The following AASDH variants were observed in gnomAD, a reference collection of about 807,000 sequenced individuals.
The protein encoded by AASDH is aminoadipate-semialdehyde dehydrogenase.
Under a neutral mutation model 102.3 loss-of-function variants are expected in AASDH, and 81 were observed. The observed-to-expected ratio is 0.79, with a 90% CI of 0.66 to 0.95. The LOEUF (loss-of-function observed/expected upper bound fraction) is 0.95, where lower values mean the gene tolerates loss of function less well. AASDH is among the 40% of genes least tolerant of loss of function. AASDH has a pLI of 0.00. For missense variants in AASDH, 1,203 were observed against 1,266.2 expected (o/e 0.95, Z 0.76); for synonymous variants, 398 against 454.0 (o/e 0.88, Z 1.57).
chr4:56,359,509 C>T lies in AASDH; in HGVS notation c.862-4086G>A, dbSNP rs572603700. 2.0e-5 allele frequency among the ~76,000 whole-genome samples: 3 copies of T among 152,068 alleles called. 1 individual carries two copies. In the South Asian group the frequency reaches 6.2e-4, roughly 32 times the overall value. ...ACCTCAGATGATACTCCCACCTCGG[C>T]CCCCCAGAGTGCTGGGAGTATAGGC... On this transcript the variant is annotated intron_variant, in intron 5 of 14. Transcript: ENST00000205214.
chr4:56,380,720 A>G (rs905954911), intron 3 of AASDH, among the ~76,000 whole-genome samples: 2 of 152,202 alleles, frequency 1.3e-5, no homozygotes, highest in African/African-American at 4.8e-5. Context: ...TCCGTAGTGC[A>G]AGGTTTCTCA....
Position 56,338,465 on chromosome 4 carries a change from G to A in AASDH, c.3234C>T (p.Leu1078=), listed in dbSNP as rs768635372. 20 of 1,613,840 alleles carry A rather than the reference G, an allele frequency of 1.2e-5. No homozygotes were observed. The highest frequency in any genetic ancestry group is 1.1e-4 in the East Asian group (5 of 44,878). ...FSSPVVLESM[L]IIGCRDNYVY... ...CATAATTATCTCTACACCCAATAAT[G>A]AGCATTGATTCCAGGACCACAGGAG... The change falls in exon 15 of 15, where the codon CTC becomes CTT. Residue 1078 remains leucine, a synonymous_variant. Coordinates refer to ENST00000205214, the MANE Select transcript of AASDH (RefSeq NM_181806.4).
At chr4:56,351,113 G>A (rs988616553) in intron 10 of AASDH, among the ~76,000 whole-genome samples, 11 of 152,124 alleles carry the variant, frequency 7.2e-5, no homozygotes, top group African/African-American at 2.7e-4. Context: ...TGCCTTTTAT[G>A]ACTACTTCAC....
intron 5 of AASDH, among the ~76,000 whole-genome samples, chr4:56,358,532 T>C (rs1419173977): frequency 6.6e-6 from 1 of 151,274 alleles, no homozygotes; most frequent in African/African-American, 2.4e-5. Flanking sequence ...TATTCCTAGC[T>C]TGTTAGGAGC....
Position 56,354,178 on chromosome 4 carries a change from T to A in AASDH, c.1244A>T (p.Glu415Val), listed in dbSNP as rs141538892. 4.6e-5 allele frequency: 73 copies of A among 1,596,308 alleles called. No individual in the cohort carries two copies. The highest frequency in any genetic ancestry group is 5.4e-5 in the Non-Finnish European group (63 of 1,170,328). ...CATTGTGCCAAGTGGTACTGTCACTTCATCATCAAGAAAACACACTCTGTT... is the reference window on the plus strand; with the variant it reads ...CATTGTGCCAAGTGGTACTGTCACTACATCATCAAGAAAACACACTCTGTT... ...GRNRVCFLDD[E>V]VTVPLGTMRA... The change falls in exon 8 of 15, where the codon GAA (glutamate) becomes GTA (valine). Residue 415 changes from glutamate (E) to valine (V), a missense_variant. Physicochemically the swap from Glu to Val is moderately radical, Grantham distance 121. Transcript: ENST00000205214.
chr4:56,384,415 C>G, intron 1 of AASDH, 74 bp from the exon 2 acceptor site: 1 of 678,650 alleles, frequency 1.5e-6, no homozygotes, highest in Non-Finnish European at 2.5e-6. Flanking sequence ...AAAAACTTCT[C>G]TACAATAATA....
chr4:56,371,032 C>T (rs1410253896), intron 5 of AASDH, among the ~76,000 whole-genome samples: 3 of 152,160 alleles, frequency 2.0e-5, no homozygotes, highest in African/African-American at 7.2e-5. Flanking sequence ...ATACTTGTTT[C>T]TGTAGGTTAA....
chr4:56,342,900 AGC>A lies in AASDH; in HGVS notation c.2840_2841del (p.Cys947PhefsTer51). 5.6e-6 allele frequency: 9 copies of A among 1,593,922 alleles called. No individual in the cohort carries two copies. The highest frequency in any genetic ancestry group is 1.8e-5 in the Admixed American group (1 of 56,830). ...ACACAGCCAATACAAATATACTGTGAGCAACATTGTGGGGAAGAGAAGAGTGG... is the reference window on the plus strand; with the variant it reads ...ACACAGCCAATACAAATATACTGTGAAACATTGTGGGGAAGAGAAGAGTGG... ...GKPLFSSPQC[C>X]SQYICIGCVD... On this transcript the variant is annotated frameshift_variant, in exon 14 of 15. Transcript: ENST00000205214. LOFTEE classifies it high-confidence loss of function.
intron 5 of AASDH, among the ~76,000 whole-genome samples, chr4:56,361,074 T>C (rs537522250): frequency 6.6e-6 from 1 of 152,244 alleles, no homozygotes; most frequent in South Asian, 2.1e-4. Flanking sequence ...ATATCAACTT[T>C]GAACTCAATA....
At position 56,349,672 on chromosome 4, in the gene AASDH, A is replaced by G. The variant is rs1748753392; in HGVS notation, c.2079T>C (p.Thr693=). Residue 693 remains threonine (T), a synonymous_variant, in exon 11 of 15, where the codon ACT becomes ACC. Coordinates refer to ENST00000205214, the MANE Select transcript of AASDH (RefSeq NM_181806.4). ...AATGTCCTAACTTTGTTAAAAACCT[A>G]GTGGAATTCAGAGACAAAATTTGAC... The part of the protein sequence containing the change: ...RGSQILSLNS[T]RFLTKLGHCS... 1 of 1,614,114 alleles carries G rather than the reference A, an allele frequency of 6.2e-7. No individual in the cohort carries two copies. Among genetic ancestry groups the G allele is most frequent in the African/African-American group, 1.3e-5 (1 of 74,942 alleles).
intron 4 of AASDH, among the ~76,000 whole-genome samples, chr4:56,373,578 T>C (rs1207382339): frequency 1.3e-5 from 2 of 152,188 alleles, no homozygotes; most frequent in African/African-American, 4.8e-5. Context: ...TCCAATGTCC[T>C]TCAGTTCAAA....
chr4:56,353,729 T>C (rs1749260189), intron 8 of AASDH, 133 bp from the exon 9 acceptor site: 1 of 834,838 alleles, frequency 1.2e-6, no homozygotes, highest in South Asian at 2.2e-5. Context: ...TTTAAAAAAT[T>C]GCTTTGCTAC....
rs750391979 is a variant in AASDH at position 56,339,477 on chromosome 4, G to A, written c.2908-686C>T. Among the ~76,000 whole-genome samples the A allele has an allele frequency of 9.2e-5, 14 of 152,238 alleles. No homozygotes were observed. The East Asian group carries it at 1.2e-3, about 13-fold the overall frequency. On this transcript the variant is annotated intron_variant, in intron 14 of 14. Coordinates refer to ENST00000205214, the MANE Select transcript of AASDH (RefSeq NM_181806.4). ...TATCTTATTAAAAACTGGGCCAGGCGTGGTGTTTCATGCCTATAATCCCAG... is the reference window on the plus strand; with the variant it reads ...TATCTTATTAAAAACTGGGCCAGGCATGGTGTTTCATGCCTATAATCCCAG...
chr4:56,338,392 C>CTGTA lies in AASDH; in HGVS notation c.*6_*9dup, dbSNP rs1392986590. ...CTCACATTTGTTATACAAATAAGGA[C>CTGTA]TGTATTTGATTATTTTTGATTGCCA... On this transcript the variant is annotated 3_prime_UTR_variant, in exon 15 of 15. Coordinates refer to ENST00000205214, the MANE Select transcript of AASDH (RefSeq NM_181806.4). 1 of 1,609,690 alleles carries CTGTA rather than the reference C, an allele frequency of 6.2e-7. No individual in the cohort carries two copies. Among genetic ancestry groups the CTGTA allele is most frequent in the Non-Finnish European group, 8.5e-7 (1 of 1,177,308 alleles).
intron 10 of AASDH, among the ~76,000 whole-genome samples, chr4:56,351,057 G>A (rs76873627): frequency 0.037 from 5,557 of 152,188 alleles, 139 homozygotes; most frequent in African/African-American, 0.062. Context: ...ACATTCCACC[G>A]ATCCTCTTAG....
intron 5 of AASDH, among the ~76,000 whole-genome samples, chr4:56,364,095 A>T (rs964024320): frequency 1.3e-5 from 2 of 152,266 alleles, no homozygotes; most frequent in Non-Finnish European, 2.9e-5. Flanking sequence ...AGCCAATGGG[A>T]TCAACTGGAA....
intron 10 of AASDH, among the ~76,000 whole-genome samples, chr4:56,350,884 T>C (rs28510634): frequency 0.17 from 26,170 of 152,210 alleles, 2,626 homozygotes; most frequent in Admixed American, 0.31. Context: ...AGAAAAATTA[T>C]TAACTTACTG....
intron 3 of AASDH, among the ~76,000 whole-genome samples, chr4:56,378,804 T>C (rs972174684): frequency 2.0e-5 from 3 of 150,810 alleles, no homozygotes; most frequent in Admixed American, 2.0e-4. Flanking sequence ...TTTTTCTGAA[T>C]ATTTTCTTTT....
Position 56,371,604 on chromosome 4 carries a change from C to T in AASDH, c.708G>A (p.Leu236=), listed in dbSNP as rs751276672. The change falls in exon 5 of 15, where the codon CTG becomes CTA. Residue 236 remains leucine (L), a synonymous_variant. Coordinates refer to ENST00000205214, the MANE Select transcript of AASDH (RefSeq NM_181806.4). ...AAGGATCGAAGGTCAGAGGTGAAGC[C>T]AGAAACAAAACATCTTCTTGTGTGA... is the stretch of plus-strand genomic sequence containing the variant. The part of the protein sequence containing the change: ...FDITQEDVLF[L]ASPLTFDPSV... 5 of 1,609,676 alleles carry T rather than the reference C, an allele frequency of 3.1e-6. No individual in the cohort carries two copies. Among genetic ancestry groups the T allele is most frequent in the Middle Eastern group, 1.7e-4 (1 of 6,050 alleles).
Sources: gnomAD v4.1 joint callset for allele counts (sites outside exome capture counted in the v4.1 genomes callset) on GRCh38, gnomAD v4.1.1 for gene constraint, MANE v1.5 for transcripts, NCBI Gene and HGNC (gene_info 2026-07-23, HGNC 2026-07-21) for gene names.